The following CSMD3 variants were observed in gnomAD, a reference collection of about 807,000 sequenced individuals.
The protein encoded by CSMD3 is CUB and sushi domain-containing protein 3.
CSMD3 carries 177 observed loss-of-function variants against 435.2 expected under a neutral mutation model. That is an observed-to-expected ratio of 0.41 (90% CI 0.36 to 0.46). CSMD3 has a LOEUF of 0.46. Among genes scored for constraint, CSMD3 ranks in the 20% least tolerant of loss-of-function variants. CSMD3 has a pLI of 0.34. For synonymous variants in CSMD3, 1,656 were observed against 1,520.5 expected, an observed-to-expected ratio of 1.09 and a Z score of -2.07; for missense variants, 4,265 against 4,504.6, an observed-to-expected ratio of 0.95 and a Z score of 1.52.
intron 38 of CSMD3, among the ~76,000 whole-genome samples, chr8:112,364,471 G>A (rs1438275082): frequency 6.6e-6 from 1 of 151,922 alleles, no homozygotes; most frequent in African/African-American, 2.4e-5. Flanking sequence ...TTAAAAACAT[G>A]TATATTTTAT....
At chr8:112,320,047 A>C (rs2130868390) in intron 45 of CSMD3, 66 bp from the exon 46 acceptor site, 1 of 1,019,468 alleles carries the variant, frequency 9.8e-7, no homozygotes, top group African/African-American at 1.6e-5. Flanking sequence ...TATGCAAAAA[A>C]ACAAGAAAAT....
chr8:113,250,527 A>C (rs2093325271), intron 3 of CSMD3, among the ~76,000 whole-genome samples: 2 of 152,160 alleles, frequency 1.3e-5, no homozygotes, highest in South Asian at 4.1e-4. Flanking sequence ...TTGATTGTAG[A>C]AACAGATTTG....
Position 113,098,977 on chromosome 8 carries a change from C to T in CSMD3, c.710-14G>A, listed in dbSNP as rs1315069267. ...AAGCATCTTCAGCTGTTAAAAATGACAAAATATTCAGTTGTAAGTTATTGA... is the reference window on the plus strand; with the variant it reads ...AAGCATCTTCAGCTGTTAAAAATGATAAAATATTCAGTTGTAAGTTATTGA... On this transcript the variant is annotated splice_polypyrimidine_tract_variant and intron_variant, in intron 4 of 70. Coordinates refer to ENST00000297405, the MANE Select transcript of CSMD3 (RefSeq NM_198123.2). 2.0e-6 allele frequency: 3 copies of T among 1,527,140 alleles called. No homozygotes were observed. Among genetic ancestry groups the T allele is most frequent in the Admixed American group, 3.4e-5 (2 of 59,664 alleles). The allele number at this position is 1,527,140 out of a possible 1,614,324, so 94.6% of individuals were successfully genotyped here.
intron 4 of CSMD3, among the ~76,000 whole-genome samples, chr8:113,111,759 G>A (rs904063102): frequency 6.6e-6 from 1 of 152,058 alleles, no homozygotes; most frequent in African/African-American, 2.4e-5. Flanking sequence ...TCAGCTCACT[G>A]CAGCCTCTGC....
intron 3 of CSMD3, among the ~76,000 whole-genome samples, chr8:113,216,291 G>A (rs1488213680): frequency 2.6e-5 from 4 of 151,812 alleles, no homozygotes; most frequent in South Asian, 2.1e-4. Flanking sequence ...TGTTATGTAC[G>A]CACTGAGCTT....
rs1814198116 is a variant in CSMD3, at chr8:112,435,239, G to A, written c.5396-26207C>T. 2.0e-5 allele frequency among the ~76,000 whole-genome samples: 3 copies of A among 152,050 alleles called. 1 individual carries two copies. Among genetic ancestry groups the A allele is most frequent in the Admixed American group, 2.0e-4 (3 of 15,238 alleles). The stretch of plus-strand genomic sequence containing the variant: ...GAATACCTTTTTGTGCGGGTAGATA[G>A]CATTGAATTCTCAAGTATGCCAATT... On this transcript the variant is annotated intron_variant, in intron 32 of 70. Coordinates refer to ENST00000297405, the MANE Select transcript of CSMD3 (RefSeq NM_198123.2).
rs185278690 is a variant in CSMD3 at position 112,859,343 on chromosome 8, G to A, written c.1634-77C>T. 291 of 1,189,088 alleles carry A rather than the reference G, an allele frequency of 2.4e-4. No homozygotes were observed. In the East Asian group the frequency reaches 6.2e-3, roughly 25 times the overall value. The allele number at this position is 1,189,088 out of a possible 1,614,324, so 73.7% of individuals were successfully genotyped here. A position where few individuals can be genotyped will look rare whatever the true frequency, so the allele number is the denominator to read the frequency against. ...ACAACAATAAAATATCTTGCAAATA[G>A]ACTTTACATTCAAAATGACACAATT... On this transcript the variant is annotated intron_variant, in intron 10 of 70. Coordinates refer to ENST00000297405, the MANE Select transcript of CSMD3 (RefSeq NM_198123.2).
intron 32 of CSMD3, among the ~76,000 whole-genome samples, chr8:112,469,653 A>T (rs1050631025): frequency 1.2e-4 from 19 of 152,232 alleles, no homozygotes; most frequent in African/African-American, 4.1e-4. Context: ...CTCCTATGGG[A>T]ATCTAACGCC....
rs970062547 is a variant in CSMD3 at position 113,252,536 on chromosome 8, T to A, written c.514+26056A>T. ...TTTCTTTCTGATACAGATAGGATAC[T>A]CTGCAACTAACTCAGACTCCATAGA... On this transcript the variant is annotated intron_variant, in intron 3 of 70. Transcript: ENST00000297405. Among the ~76,000 whole-genome samples the A allele has an allele frequency of 1.6e-4, 24 of 152,252 alleles. No homozygotes were observed. In the East Asian group the frequency reaches 4.4e-3, roughly 28 times the overall value.
At chr8:112,488,439 T>C (rs772896479) in intron 31 of CSMD3, among the ~76,000 whole-genome samples, 2 of 152,182 alleles carry the variant, frequency 1.3e-5, no homozygotes, top group Non-Finnish European at 2.9e-5. Context: ...CTGCAGAATA[T>C]GATCATGTTG....
At chr8:113,406,638 T>A (rs1265283312) in intron 1 of CSMD3, among the ~76,000 whole-genome samples, 5 of 152,004 alleles carry the variant, frequency 3.3e-5, no homozygotes, top group Non-Finnish European at 7.4e-5. Flanking sequence ...ATATATAAAA[T>A]GAGGGTGTGC....
chr8:113,410,879 T>G (rs2094555286), intron 1 of CSMD3, among the ~76,000 whole-genome samples: 1 of 120,366 alleles, frequency 8.3e-6, no homozygotes, highest in African/African-American at 3.4e-5. Flanking sequence ...TACTCCAGCC[T>G]TGTGACAGAG....
At chr8:112,263,155 G>T (rs1030362162) in intron 61 of CSMD3, among the ~76,000 whole-genome samples, 2 of 138,826 alleles carry the variant, frequency 1.4e-5, no homozygotes, top group Non-Finnish European at 3.1e-5. Flanking sequence ...AAAAAAAAAA[G>T]GCAAAACAAA....
intron 9 of CSMD3, among the ~76,000 whole-genome samples, chr8:112,941,585 C>T (rs979956662): frequency 3.3e-5 from 5 of 151,250 alleles, no homozygotes; most frequent in Admixed American, 2.0e-4. Context: ...CTCTTTTATC[C>T]CTAAAGTTTT....
intron 38 of CSMD3, among the ~76,000 whole-genome samples, chr8:112,359,662 GAT>G (rs1265339570): frequency 6.6e-6 from 1 of 152,084 alleles, no homozygotes; most frequent in Non-Finnish European, 1.5e-5. Flanking sequence ...GCAGTGACTT[GAT>G]AGAGTTATGA....
chr8:112,622,582 T>C (rs1834160712), intron 22 of CSMD3, among the ~76,000 whole-genome samples: 1 of 152,172 alleles, frequency 6.6e-6, no homozygotes, highest in Non-Finnish European at 1.5e-5. Flanking sequence ...GTCACATTTC[T>C]TGAAGACAGA....
At chr8:112,697,232 T>C (rs1186973724) in intron 13 of CSMD3, among the ~76,000 whole-genome samples, 1 of 152,198 alleles carries the variant, frequency 6.6e-6, no homozygotes, top group Non-Finnish European at 1.5e-5. Context: ...ACTGGGTATA[T>C]ACCCAAAGGA....
At chr8:112,766,246 G>A (rs1289003583) in intron 13 of CSMD3, among the ~76,000 whole-genome samples, 1 of 150,564 alleles carries the variant, frequency 6.6e-6, no homozygotes, top group African/African-American at 2.4e-5. Context: ...TCTCCATACT[G>A]AAAAAATTAA....
chr8:112,411,756 T>G (rs2130134851), intron 32 of CSMD3, among the ~76,000 whole-genome samples: 1 of 152,176 alleles, frequency 6.6e-6, no homozygotes, highest in African/African-American at 2.4e-5. Context: ...ATGTCTTAAT[T>G]TATTTAGTTT....
Sources: allele counts gnomAD v4.1 joint callset (sites outside exome capture counted in the v4.1 genomes callset), GRCh38; gene constraint gnomAD v4.1.1; transcripts MANE v1.5; gene names NCBI Gene and HGNC (gene_info 2026-07-23, HGNC 2026-07-21).